Variants in TENM1 observed in about 807,000 individuals in gnomAD.
TENM1 encodes the protein teneurin-1.
A neutral mutation model predicts 174.8 loss-of-function variants in TENM1; 35 were observed. That is an observed-to-expected ratio of 0.20 (90% CI 0.15 to 0.27). TENM1 has a LOEUF of 0.27. Ranked by LOEUF, TENM1 falls within the 10% of genes least tolerant of loss-of-function variation. TENM1 has a pLI of 1.00. For missense variants in TENM1, 1,633 were observed against 2,130.1 expected (o/e 0.77, Z 4.59); for synonymous variants, 781 against 798.7 (o/e 0.98, Z 0.37).
At chrX:124,959,971 T>C (rs2058630832) in intron 1 of TENM1, among the ~76,000 whole-genome samples, 1 of 111,882 alleles carries the variant, frequency 8.9e-6, no homozygotes, top group Non-Finnish European at 1.9e-5. Context: ...CTGCATCCCA[T>C]TATTTCCAGT....
intron 11 of TENM1, among the ~76,000 whole-genome samples, chrX:124,622,668 C>T (rs1443158991): frequency 9.2e-6 from 1 of 109,258 alleles, no homozygotes; most frequent in African/African-American, 3.3e-5. Flanking sequence ...ATTTTTTTTT[C>T]AAGTTACAGT....
chrX:125,105,075 T>G, the TENM1 span, among the ~76,000 whole-genome samples: 1 of 112,317 alleles, frequency 8.9e-6, no homozygotes. Context: ...TAACATAGAA[T>G]TAAACCTTGT....
intron 11 of TENM1, among the ~76,000 whole-genome samples, chrX:124,596,363 T>C (rs2049891350): frequency 8.9e-6 from 1 of 112,212 alleles, no homozygotes; most frequent in East Asian, 2.8e-4. Context: ...TGACTTTTCA[T>C]TCACACGAGT....
the TENM1 span, among the ~76,000 whole-genome samples, chrX:125,091,182 T>C: frequency 9.1e-6 from 1 of 109,961 alleles, no homozygotes; most frequent in South Asian, 3.9e-4. Flanking sequence ...GAAAACATAT[T>C]GGTAAAACAC....
intron 10 of TENM1, among the ~76,000 whole-genome samples, chrX:124,644,335 T>G (rs1193543667): frequency 1.9e-5 from 2 of 107,667 alleles, no homozygotes. Flanking sequence ...TAGAATGCTG[T>G]GTAATAGTCT....
chrX:124,425,237 A>T (rs1047584680), intron 23 of TENM1, among the ~76,000 whole-genome samples: 1 of 112,198 alleles, frequency 8.9e-6, no homozygotes, highest in Non-Finnish European at 1.9e-5. Flanking sequence ...TTTCTGAATC[A>T]TAACAGTTCT....
chrX:124,487,101 ATTCTT>A, intron 21 of TENM1, 103 bp downstream of exon 24: 1 of 783,323 alleles, frequency 1.3e-6, no homozygotes, highest in East Asian at 3.5e-5. Context: ...TGTTCACACT[ATTCTT>A]TAACCTTATT....
At chrX:124,644,210 C>CATATATATAT (rs202056765) in intron 10 of TENM1, among the ~76,000 whole-genome samples, 51 of 95,673 alleles carry the variant, frequency 5.3e-4, no homozygotes, top group African/African-American at 1.9e-3. Context: ...TTTACATATA[C>CATATATATAT]ATATATATAT....
intron 23 of TENM1, among the ~76,000 whole-genome samples, chrX:124,441,131 A>G (rs1401727099): frequency 8.9e-6 from 1 of 111,824 alleles, no homozygotes; most frequent in Non-Finnish European, 1.9e-5. Context: ...ATTGGTGGAG[A>G]AACTCAGGCT....
intron 22 of TENM1, among the ~76,000 whole-genome samples, chrX:124,465,400 C>T (rs1204744975): frequency 9.0e-6 from 1 of 110,985 alleles, no homozygotes; most frequent in Non-Finnish European, 1.9e-5. Flanking sequence ...AGGTGCATAA[C>T]ACCACACCTG....
At chrX:124,513,158 T>C (rs1222506290) in intron 18 of TENM1, among the ~76,000 whole-genome samples, 1 of 108,765 alleles carries the variant, frequency 9.2e-6, no homozygotes, top group Admixed American at 9.8e-5. Context: ...AAAAATCAAG[T>C]GTCCATAGGG....
the TENM1 span, among the ~76,000 whole-genome samples, chrX:125,174,265 A>G: frequency 8.9e-6 from 1 of 111,929 alleles, no homozygotes; most frequent in Non-Finnish European, 1.9e-5. Context: ...AATTATTTAT[A>G]TAAGAAATAG....
the TENM1 span, among the ~76,000 whole-genome samples, chrX:125,182,352 C>T: frequency 2.8e-5 from 3 of 105,547 alleles, no homozygotes; most frequent in African/African-American, 1.0e-4. Flanking sequence ...CGATTAGTAA[C>T]CTTAATTCCA....
At chrX:125,034,341 A>G in the TENM1 span, among the ~76,000 whole-genome samples, 1 of 111,983 alleles carries the variant, frequency 8.9e-6, no homozygotes, top group Non-Finnish European at 1.9e-5. Context: ...TGCCATTTGC[A>G]AAAGTTAGCA....
chrX:124,517,180 G>A (rs146829711), intron 18 of TENM1, among the ~76,000 whole-genome samples: 2 of 110,718 alleles, frequency 1.8e-5, no homozygotes, highest in African/African-American at 6.6e-5. Context: ...GAAAGGAGCA[G>A]CAAAAATAAC....
chrX:125,116,684 C>A, the TENM1 span, among the ~76,000 whole-genome samples: 2 of 112,277 alleles, frequency 1.8e-5, no homozygotes, highest in African/African-American at 3.2e-5. Context: ...CAATGAGATA[C>A]CATCTCCTGC....
At chrX:124,679,467 C>T (rs1037789510) in intron 5 of TENM1, among the ~76,000 whole-genome samples, 7 of 111,590 alleles carry the variant, frequency 6.3e-5, no homozygotes, top group East Asian at 2.8e-4. Flanking sequence ...TTCACCAGAC[C>T]GATACTTCAG....
chrX:124,844,399 T>C (rs1313355769), intron 3 of TENM1, among the ~76,000 whole-genome samples: 1 of 111,689 alleles, frequency 9.0e-6, no homozygotes, highest in Non-Finnish European at 1.9e-5. Context: ...GGCTACAGTC[T>C]AGAGAGCTAC....
At chrX:125,120,280 A>G in the TENM1 span, among the ~76,000 whole-genome samples, 1 of 111,808 alleles carries the variant, frequency 8.9e-6, no homozygotes, top group Non-Finnish European at 1.9e-5. Flanking sequence ...TTTAAATGTC[A>G]ACCTTAATGA....
Sources: allele counts gnomAD v4.1 joint callset (sites outside exome capture counted in the v4.1 genomes callset), GRCh38; gene constraint gnomAD v4.1.1; transcripts MANE v1.5; gene names NCBI Gene and HGNC (gene_info 2026-07-23, HGNC 2026-07-21).